Variants in MYPN observed in about 807,000 individuals in gnomAD.
MYPN encodes the protein sarcomeric protein myopalladin, 145 kDa (MYOP).
In MYPN, 63 loss-of-function variants were observed where a neutral mutation model predicts 129.4. The observed-to-expected ratio is 0.49, with a 90% CI of 0.40 to 0.60. The LOEUF is 0.60. Ranked by LOEUF, MYPN falls within the 20% of genes least tolerant of loss-of-function variation. The pLI, the probability that MYPN is intolerant of heterozygous loss-of-function variation, is 0.00. For missense variants in MYPN, 1,596 were observed against 1,635.4 expected (o/e 0.98, Z 0.42); for synonymous variants, 629 against 600.9 (o/e 1.05, Z -0.68).
chr10:68,187,044 C>T (rs1431692954), intron 12 of MYPN, among the ~76,000 whole-genome samples: 1 of 152,054 alleles, frequency 6.6e-6, no homozygotes, highest in Non-Finnish European at 1.5e-5. Flanking sequence ...CAAGATGTCA[C>T]CTCTCTGCCT....
chr10:68,169,312 C>T (rs1050103550), intron 10 of MYPN, among the ~76,000 whole-genome samples: 8 of 149,564 alleles, frequency 5.3e-5, no homozygotes, highest in Admixed American at 5.3e-4. Flanking sequence ...GGGCCAAGAT[C>T]GCGTTACTGC....
At chr10:68,141,294 G>C (rs552975044) in intron 2 of MYPN, among the ~76,000 whole-genome samples, 3 of 152,060 alleles carry the variant, frequency 2.0e-5, no homozygotes, top group Middle Eastern at 3.4e-3. Context: ...GCTTGAACCC[G>C]GGGGGCAGAG....
chr10:68,152,679 A>C (rs547607562), intron 6 of MYPN, among the ~76,000 whole-genome samples: 26 of 152,330 alleles, frequency 1.7e-4, no homozygotes, highest in Admixed American at 1.4e-3. Flanking sequence ...CTTGTTGCCC[A>C]GGCTAGAGTG....
intron 4 of MYPN, among the ~76,000 whole-genome samples, chr10:68,146,967 C>T (rs964466300): frequency 6.6e-6 from 1 of 152,118 alleles, no homozygotes; most frequent in Non-Finnish European, 1.5e-5. Flanking sequence ...CATCATTCTG[C>T]TTGAGACCAA....
Position 68,121,615 on chromosome 10 carries a change from C to A in MYPN, c.177C>A (p.Asp59Glu). 1 of 1,614,236 alleles carries A rather than the reference C, an allele frequency of 6.2e-7. No individual in the cohort carries two copies. The highest frequency in any genetic ancestry group is 2.2e-5 in the East Asian group (1 of 44,888). The part of the protein sequence containing the change: ...GAAEGGGGQD[D>E]LPDLSAFLSQ... ...CTGAAGGAGGCGGAGGCCAAGATGACCTTCCAGATCTTTCAGCCTTTCTGA... is the reference window on the plus strand; with the variant it reads ...CTGAAGGAGGCGGAGGCCAAGATGAACTTCCAGATCTTTCAGCCTTTCTGA... Residue 59 changes from aspartate to glutamate, a missense_variant, in exon 2 of 20, where the codon GAC becomes GAA. Transcript: ENST00000358913.
At chr10:68,135,827 G>T (rs1277590471) in intron 2 of MYPN, among the ~76,000 whole-genome samples, 1 of 152,052 alleles carries the variant, frequency 6.6e-6, no homozygotes, top group East Asian at 1.9e-4. Context: ...TTATTGTTCA[G>T]TAAGGAAGAG....
chr10:68,162,564 G>A (rs2042994478), intron 8 of MYPN, among the ~76,000 whole-genome samples: 1 of 152,162 alleles, frequency 6.6e-6, no homozygotes. Context: ...ACAAAACAGG[G>A]CATAAACATC....
intron 6 of MYPN, among the ~76,000 whole-genome samples, chr10:68,152,392 G>C (rs115935274): frequency 2.0e-5 from 3 of 151,964 alleles, no homozygotes; most frequent in Non-Finnish European, 4.4e-5. Flanking sequence ...AGATGGTAGG[G>C]GGCAGGCAGG....
chr10:68,139,914 G>A (rs1419255762), intron 2 of MYPN, among the ~76,000 whole-genome samples: 4 of 152,132 alleles, frequency 2.6e-5, no homozygotes, highest in African/African-American at 7.2e-5. Flanking sequence ...TCTAGTGAAG[G>A]GAGCAAACCA....
At chr10:68,102,116 T>G (rs2133946147), upstream of MYPN, among the ~76,000 whole-genome samples, 2 of 144,892 alleles carry the variant, frequency 1.4e-5, no homozygotes, top group Admixed American at 7.0e-5. Context: ...GATCTATTTC[T>G]CTCTCCTTTT....
At chr10:68,104,790 A>C (rs145924726), upstream of MYPN, among the ~76,000 whole-genome samples, 408 of 151,892 alleles carry the variant, frequency 2.7e-3, 2 homozygotes, top group Non-Finnish European at 3.8e-3. Context: ...TTCTTTCTTT[A>C]TTTATTTTTT....
intron 18 of MYPN, among the ~76,000 whole-genome samples, chr10:68,203,720 C>CACAGAGAGAGAGAG (rs1554851560): frequency 8.6e-6 from 1 of 115,658 alleles, no homozygotes; most frequent in African/African-American, 2.8e-5. Context: ...CATACACACA[C>CACAGAGAGAGAGAG]AGAGAGAGAG....
At chr10:68,094,347 C>T (rs919730997) in intron 1 of MYPN, among the ~76,000 whole-genome samples, 4 of 151,918 alleles carry the variant, frequency 2.6e-5, no homozygotes, top group Non-Finnish European at 4.4e-5. Flanking sequence ...TCACTGCAAC[C>T]TCTGCCTCCC....
At chr10:68,172,166 C>T (rs963499796) in intron 10 of MYPN, among the ~76,000 whole-genome samples, 3 of 152,052 alleles carry the variant, frequency 2.0e-5, no homozygotes, top group Non-Finnish European at 2.9e-5. Context: ...CCAGCCTGGG[C>T]AACATGACGA....
intron 10 of MYPN, among the ~76,000 whole-genome samples, chr10:68,167,270 T>C (rs1300782919): frequency 2.6e-5 from 4 of 152,226 alleles, no homozygotes; most frequent in Non-Finnish European, 5.9e-5. Context: ...ATAAAGACTT[T>C]TTTTGTGTCT....
chr10:68,161,631 T>C, intron 7 of MYPN, 98 bp from the exon 8 acceptor site: 3 of 875,286 alleles, frequency 3.4e-6, no homozygotes, highest in Non-Finnish European at 5.7e-6. Context: ...CACTCCTGAG[T>C]GTGCAAGAGA....
At chr10:68,198,860 G>T (rs940386915) in intron 16 of MYPN, among the ~76,000 whole-genome samples, 19 of 152,024 alleles carry the variant, frequency 1.2e-4, no homozygotes, top group South Asian at 2.1e-4. Context: ...ATGCCCTGTT[G>T]GGGGGATGGG....
At chr10:68,158,324 C>A (rs2042915857) in intron 6 of MYPN, 162 bp from the exon 7 acceptor site, 1 of 690,804 alleles carries the variant, frequency 1.4e-6, no homozygotes, top group Admixed American at 2.7e-5. Context: ...CTCAAAACTA[C>A]TTTTGAATGC....
At position 68,189,308 on chromosome 10, in the gene MYPN, T is replaced by A. The variant is rs1040304014; in HGVS notation, c.2925+182T>A. ...GATACATGTATACAATGTGTAATGATCAAATCAGGATAACTGAGATATCCA... is the reference window on the plus strand; with the variant it reads ...GATACATGTATACAATGTGTAATGAACAAATCAGGATAACTGAGATATCCA... On this transcript the variant is annotated intron_variant, in intron 13 of 19. Transcript: ENST00000358913. 7.2e-5 allele frequency among the ~76,000 whole-genome samples: 11 copies of A among 152,328 alleles called. No individual in the cohort carries two copies. The East Asian group carries it at 2.1e-3, about 29-fold the overall frequency.
Sources: allele counts gnomAD v4.1 joint callset (sites outside exome capture counted in the v4.1 genomes callset), GRCh38; gene constraint gnomAD v4.1.1; transcripts MANE v1.5; gene names NCBI Gene and HGNC (gene_info 2026-07-23, HGNC 2026-07-21).